Variants in GRM5 observed in about 807,000 individuals in gnomAD.
The protein encoded by GRM5 is metabotropic glutamate receptor 5.
GRM5 carries 19 observed loss-of-function variants against 83.1 expected under a neutral mutation model. The ratio of observed to expected loss-of-function variants is 0.23; its 90% confidence interval spans 0.16 to 0.34. The LOEUF is 0.34. GRM5 is among the 10% of genes least tolerant of loss of function. The pLI is 1.00. For synonymous variants in GRM5, 675 were observed against 633.6 expected, an observed-to-expected ratio of 1.07 and a Z score of -0.98; for missense variants, 1,160 against 1,588.3, an observed-to-expected ratio of 0.73 and a Z score of 4.58.
At chr11:88,623,420 G>A (rs566519087) in intron 4 of GRM5, among the ~76,000 whole-genome samples, 146 of 152,130 alleles carry the variant, frequency 9.6e-4, no homozygotes, top group African/African-American at 3.2e-3. Context: ...GTGAGCCACC[G>A]TGCCCGGCCA....
At chr11:88,704,501 G>A (rs1258425004) in intron 3 of GRM5, among the ~76,000 whole-genome samples, 1 of 151,492 alleles carries the variant, frequency 6.6e-6, no homozygotes, top group Non-Finnish European at 1.5e-5. Flanking sequence ...ATTTCTGCCA[G>A]AAAAATAAGC....
At chr11:88,821,356 A>G (rs1338922208) in intron 3 of GRM5, among the ~76,000 whole-genome samples, 13 of 149,340 alleles carry the variant, frequency 8.7e-5, no homozygotes, top group Non-Finnish European at 1.3e-4. Context: ...AAAAAAAAAA[A>G]AAAAAAGAAA....
intron 3 of GRM5, among the ~76,000 whole-genome samples, chr11:88,844,695 C>T (rs1172186928): frequency 6.6e-6 from 1 of 152,172 alleles, no homozygotes; most frequent in Non-Finnish European, 1.5e-5. Flanking sequence ...TAAGAACATT[C>T]ATGAGTCATG....
chr11:89,036,075 C>G (rs1192218982), intron 2 of GRM5, among the ~76,000 whole-genome samples: 1 of 152,010 alleles, frequency 6.6e-6, no homozygotes, highest in South Asian at 2.1e-4. Flanking sequence ...TTCAAAAGTA[C>G]TTGAAGTATA....
chr11:88,824,187 A>T (rs1263687977), intron 3 of GRM5, among the ~76,000 whole-genome samples: 1 of 152,088 alleles, frequency 6.6e-6, no homozygotes, highest in African/African-American at 2.4e-5. Context: ...AGAAAAAAAA[A>T]CCCTGAAATT....
chr11:88,987,626 G>A (rs1269266660), intron 2 of GRM5, among the ~76,000 whole-genome samples: 1 of 152,058 alleles, frequency 6.6e-6, no homozygotes, highest in Non-Finnish European at 1.5e-5. Flanking sequence ...CAGCTTTGAA[G>A]AGAGCAGTGG....
intron 3 of GRM5, among the ~76,000 whole-genome samples, chr11:88,701,417 G>A (rs999587294): frequency 6.6e-6 from 1 of 152,138 alleles, no homozygotes; most frequent in South Asian, 2.1e-4. Flanking sequence ...GACAAGCATA[G>A]TCAAGGGTTC....
intron 3 of GRM5, among the ~76,000 whole-genome samples, chr11:88,757,730 T>C (rs1038117102): frequency 6.6e-6 from 1 of 152,186 alleles, no homozygotes; most frequent in African/African-American, 2.4e-5. Flanking sequence ...AGCACCCTGC[T>C]GCAGTCAATG....
intron 8 of GRM5, among the ~76,000 whole-genome samples, chr11:88,564,327 C>A (rs1452935387): frequency 6.6e-6 from 1 of 152,136 alleles, no homozygotes; most frequent in Non-Finnish European, 1.5e-5. Flanking sequence ...AATATTGCAA[C>A]AAAAATCTTT....
At chr11:88,966,576 G>A (rs1938970888) in intron 2 of GRM5, among the ~76,000 whole-genome samples, 1 of 152,076 alleles carries the variant, frequency 6.6e-6, no homozygotes, top group Non-Finnish European at 1.5e-5. Context: ...CCACAAATTT[G>A]ACAAGTCAGA....
At position 88,956,131 on chromosome 11, in the gene GRM5, T is replaced by TA. The variant is rs1445960310; in HGVS notation, c.661+91080dup. Among the ~76,000 whole-genome samples the TA allele has an allele frequency of 1.8e-4, 28 of 152,282 alleles. No homozygotes were observed. The East Asian group carries it at 4.8e-3, about 26-fold the overall frequency. ...AGTGAGAATCTGAAAGTGCAAAGCT[T>TA]AGAGTAGCAGATTGGCACAGAATCC... On this transcript the variant is annotated intron_variant, in intron 2 of 9. Coordinates refer to ENST00000305447, the MANE Select transcript of GRM5 (RefSeq NM_001143831.3).
At chr11:88,908,125 TA>T in intron 2 of GRM5, among the ~76,000 whole-genome samples, 1 of 152,238 alleles carries the variant, frequency 6.6e-6, no homozygotes, top group South Asian at 2.1e-4. Flanking sequence ...TATCTATACT[TA>T]TCCATATTTT....
intron 2 of GRM5, among the ~76,000 whole-genome samples, chr11:88,926,493 T>C (rs1342463573): frequency 6.6e-6 from 1 of 152,180 alleles, no homozygotes; most frequent in Non-Finnish European, 1.5e-5. Context: ...ATGGTGTTCA[T>C]ATAAAACTTG....
At chr11:88,626,895 T>C (rs1281828831) in intron 4 of GRM5, among the ~76,000 whole-genome samples, 1 of 152,172 alleles carries the variant, frequency 6.6e-6, no homozygotes. Context: ...AGGCTGTCTG[T>C]AGGCTGGAAA....
chr11:89,053,825 C>A (rs191574824), intron 1 of GRM5, among the ~76,000 whole-genome samples: 6 of 152,214 alleles, frequency 3.9e-5, no homozygotes, highest in Non-Finnish European at 7.4e-5. Flanking sequence ...ATGAGTCATG[C>A]AGATCTCTAG....
chr11:88,994,765 T>C (rs1035288477), intron 2 of GRM5, among the ~76,000 whole-genome samples: 4 of 152,030 alleles, frequency 2.6e-5, no homozygotes, highest in Non-Finnish European at 4.4e-5. Flanking sequence ...ATGTATGAGG[T>C]TCCATAAGAT....
chr11:88,998,123 G>A (rs1940253893), intron 2 of GRM5, among the ~76,000 whole-genome samples: 1 of 145,058 alleles, frequency 6.9e-6, no homozygotes, highest in African/African-American at 2.5e-5. Flanking sequence ...AGGAAGGAAG[G>A]AAGGAAGAGG....
intron 7 of GRM5, among the ~76,000 whole-genome samples, chr11:88,584,953 A>C (rs1166927863): frequency 1.3e-5 from 2 of 152,186 alleles, no homozygotes. Context: ...GAATTTTTTA[A>C]GCTGAAGGAA....
chr11:88,782,936 G>A (rs530311903), intron 3 of GRM5, among the ~76,000 whole-genome samples: 1 of 152,000 alleles, frequency 6.6e-6, no homozygotes, highest in Non-Finnish European at 1.5e-5. Context: ...AAATGTATTA[G>A]TTAAAAATTA....
Sources: gnomAD v4.1 joint callset for allele counts (sites outside exome capture counted in the v4.1 genomes callset) on GRCh38, gnomAD v4.1.1 for gene constraint, MANE v1.5 for transcripts, NCBI Gene and HGNC (gene_info 2026-07-23, HGNC 2026-07-21) for gene names.